The following CSNK1D variants were observed in gnomAD, a reference collection of about 807,000 sequenced individuals.
CSNK1D encodes casein kinase 1 delta.
A neutral mutation model predicts 46.6 loss-of-function variants in CSNK1D; 16 were observed. The ratio of observed to expected loss-of-function variants is 0.34; its 90% CI spans 0.23 to 0.52. The LOEUF (loss-of-function observed/expected upper bound fraction) is 0.52. Among genes scored for constraint, CSNK1D ranks in the 20% least tolerant of loss-of-function variants. CSNK1D has a pLI of 0.95. For missense variants in CSNK1D, 398 were observed against 578.4 expected (o/e 0.69, Z 3.20); for synonymous variants, 276 against 228.2 (o/e 1.21, Z -1.89).
chr17:82,263,039 G>C (rs2051379838), intron 2 of CSNK1D, among the ~76,000 whole-genome samples: 1 of 152,144 alleles, frequency 6.6e-6, no homozygotes, highest in Non-Finnish European at 1.5e-5. Flanking sequence ...AATTAGCCAG[G>C]CAGGGTGGCT....
Position 82,244,756 on chromosome 17 carries a change from C to A in CSNK1D, c.*25G>T. 1 of 1,613,888 alleles carries A rather than the reference C, an allele frequency of 6.2e-7. No homozygotes were observed. Among genetic ancestry groups the A allele is most frequent in the Non-Finnish European group, 8.5e-7 (1 of 1,180,012 alleles). On this transcript the variant is annotated 3_prime_UTR_variant, in exon 9 of 9. Transcript: ENST00000314028. The stretch of plus-strand genomic sequence containing the variant: ...GAGTAGATCAGCCATGCATTGTCTG[C>A]CCTTCACAGCAATAAGGAGAGTTCT...
rs2050764208 is a variant in CSNK1D at position 82,242,922 on chromosome 17, A to G, written c.*1859T>C. ...GCCTCGCACAAACGTTCTGGGCACT[A>G]CATCGGGACCACAGATATTTACAAA... On this transcript the variant is annotated 3_prime_UTR_variant, in exon 9 of 9. Transcript: ENST00000314028. 1 of 985,456 alleles carries G rather than the reference A, an allele frequency of 1.0e-6. No homozygotes were observed. The highest frequency in any genetic ancestry group is 1.2e-6 in the Non-Finnish European group (1 of 829,932). The allele number at this position is 985,456 out of a possible 1,614,324, so 61.0% of individuals were successfully genotyped here.
chr17:82,269,630 G>A (rs1233498083), intron 1 of CSNK1D, among the ~76,000 whole-genome samples: 1 of 152,218 alleles, frequency 6.6e-6, no homozygotes, highest in Admixed American at 6.5e-5. Context: ...GGTGCGATGG[G>A]ATCAAGTACA....
chr17:82,253,634 C>A, intron 3 of CSNK1D: 1 of 356,168 alleles, frequency 2.8e-6, no homozygotes, highest in Non-Finnish European at 5.5e-6. Flanking sequence ...ACTGAGGAAC[C>A]CACTGAATGG....
chr17:82,253,643 G>A (rs1239751972), intron 3 of CSNK1D: 2 of 354,140 alleles, frequency 5.6e-6, no homozygotes, highest in East Asian at 7.4e-5. Context: ...CCCACTGAAT[G>A]GAAACGTGCT....
Position 82,253,189 on chromosome 17 carries a change from G to A in CSNK1D, c.392C>T (p.Pro131Leu). The A allele has an allele frequency of 6.2e-7, 1 of 1,614,224 alleles. No homozygotes were observed. The highest frequency in any genetic ancestry group is 8.5e-7 in the Non-Finnish European group (1 of 1,180,036). Residue 131 changes from proline to leucine, a missense_variant, in exon 4 of 9, where the codon CCA becomes CTA. By Grantham distance (98) the Pro-to-Leu change is moderately conservative. Transcript: ENST00000314028. ...CCCCAGGCCCATGAGGAAGTTGTCT[G>A]GCTTCACATCCCGGTGGATGAAGTT... ...SKNFIHRDVK[P>L]DNFLMGLGKK...
rs557548356 is a variant in CSNK1D, at chr17:82,257,627, A to G, written c.188-2050T>C. Among the ~76,000 whole-genome samples, 17 of 152,298 alleles carry G rather than the reference A, an allele frequency of 1.1e-4. 1 individual carries two copies. The East Asian group carries it at 3.1e-3, about 28-fold the overall frequency. On this transcript the variant is annotated intron_variant, in intron 2 of 8. Coordinates refer to ENST00000314028, the MANE Select transcript of CSNK1D (RefSeq NM_001893.6). ...TGCCAGCCAGTGACAGCTGTGCCTG[A>G]GGGCGGGAAGGAGCCGTGAGAGGGC...
At chr17:82,269,758 T>C (rs568310396) in intron 1 of CSNK1D, among the ~76,000 whole-genome samples, 18 of 152,340 alleles carry the variant, frequency 1.2e-4, no homozygotes, top group African/African-American at 4.3e-4. Context: ...TCACTGCCTC[T>C]CTGCATGGGC....
At chr17:82,242,439 T>C (rs2050754262), downstream of CSNK1D, among the ~76,000 whole-genome samples, 4 of 152,046 alleles carry the variant, frequency 2.6e-5, no homozygotes. Flanking sequence ...TGGACTTCTG[T>C]GTGCACAACA....
intron 3 of CSNK1D, chr17:82,253,485 G>A: frequency 3.9e-6 from 2 of 517,824 alleles, no homozygotes; most frequent in African/African-American, 1.9e-5. Flanking sequence ...CCACAAAACA[G>A]AGAGGTGAGG....
intron 1 of CSNK1D, among the ~76,000 whole-genome samples, chr17:82,271,539 C>G (rs1258401090): frequency 2.6e-5 from 4 of 152,214 alleles, no homozygotes; most frequent in Non-Finnish European, 1.5e-5. Context: ...AAGAACACAT[C>G]CAGCTGACCA....
In CSNK1D at chr17:82,252,985, C is replaced by T; in HGVS notation, c.565+31G>A. The stretch of plus-strand genomic sequence containing the variant: ...GGCATGGACGCGCCCAAAGGCACCC[C>T]AGGTCAGTGACCCCATGCCCAGGGG... On this transcript the variant is annotated intron_variant, in intron 4 of 8. Transcript: ENST00000314028. The surrounding 1 kb of genome is among the most constrained non-coding windows in gnomAD (Gnocchi z 4.6). The T allele has an allele frequency of 6.2e-7, 1 of 1,602,956 alleles. No homozygotes were observed. The highest frequency in any genetic ancestry group is 8.5e-7 in the Non-Finnish European group (1 of 1,170,192).
chr17:82,246,326 G>T (rs1178190487), intron 8 of CSNK1D: 13 of 1,325,098 alleles, frequency 9.8e-6, no homozygotes, highest in Middle Eastern at 3.0e-4. Flanking sequence ...CCTGATCCCA[G>T]CAGGATGGCA....
At chr17:82,267,621 A>G (rs1250329191) in intron 1 of CSNK1D, among the ~76,000 whole-genome samples, 1 of 152,218 alleles carries the variant, frequency 6.6e-6, no homozygotes, top group Non-Finnish European at 1.5e-5. Flanking sequence ...CAGTTGGGAC[A>G]GTCTATCCAA....
chr17:82,258,492 G>C (rs925930740), intron 2 of CSNK1D, among the ~76,000 whole-genome samples: 15 of 151,932 alleles, frequency 9.9e-5, no homozygotes, highest in Admixed American at 9.8e-4. Context: ...TAAAGTTCCC[G>C]ACTTTGGGTG....
intron 1 of CSNK1D, among the ~76,000 whole-genome samples, chr17:82,272,814 C>T (rs542367414): frequency 1.3e-5 from 2 of 152,334 alleles, no homozygotes; most frequent in Non-Finnish European, 2.9e-5. Context: ...AGAGCGTGGC[C>T]TTTGTTTACT....
intron 8 of CSNK1D, chr17:82,247,091 C>A: frequency 1.0e-6 from 1 of 985,448 alleles, no homozygotes; most frequent in Non-Finnish European, 1.2e-6. Flanking sequence ...CTCAGGAAGG[C>A]CCCCCAGGGT....
chr17:82,263,132 A>G (rs780658561), intron 2 of CSNK1D, among the ~76,000 whole-genome samples: 5 of 152,188 alleles, frequency 3.3e-5, no homozygotes, highest in Non-Finnish European at 7.3e-5. Flanking sequence ...GTGGGCCAAG[A>G]TTGCGCCATT....
In CSNK1D at chr17:82,255,685, G is replaced by C; in HGVS notation, c.188-108C>G. The stretch of plus-strand genomic sequence containing the variant: ...GTCATGGTGACAATCCTGAACGGGG[G>C]AGGGGTGGTGGAGGTAGAAGACCCC... On this transcript the variant is annotated intron_variant, in intron 2 of 8. Coordinates refer to ENST00000314028, the MANE Select transcript of CSNK1D (RefSeq NM_001893.6). The surrounding 1 kb of genome is among the most constrained non-coding windows in gnomAD (Gnocchi z 5.9). 2.1e-6 allele frequency: 3 copies of C among 1,413,108 alleles called. No individual in the cohort carries two copies. Among genetic ancestry groups the C allele is most frequent in the South Asian group, 1.2e-5 (1 of 86,852 alleles). 87.5% of individuals were successfully genotyped at this position (1,413,108 alleles called of 1,614,324 possible).
Sources: gnomAD v4.1 joint callset for allele counts (sites outside exome capture counted in the v4.1 genomes callset) on GRCh38, gnomAD v4.1.1 for gene constraint, Gnocchi (gnomAD v3.1) non-coding constraint, MANE v1.5 for transcripts, NCBI Gene and HGNC (gene_info 2026-07-23, HGNC 2026-07-21) for gene names.